Variants in PCED1B observed in about 807,000 individuals in gnomAD.
PCED1B encodes the protein PC-esterase domain-containing protein 1B.
For synonymous variants in PCED1B, 251 were observed against 246.1 expected (o/e 1.02, Z -0.19); for missense variants, 573 against 573.9 (o/e 1.00, Z 0.02).
At chr12:47,089,083 C>G (rs1938124807) in intron 1 of PCED1B, among the ~76,000 whole-genome samples, 1 of 152,068 alleles carries the variant, frequency 6.6e-6, no homozygotes, top group Non-Finnish European at 1.5e-5. Context: ...CCCAGCTTGA[C>G]AGGTCCAGAA....
At position 47,235,467 on chromosome 12, in the gene PCED1B, C is replaced by T. The variant is rs750587273; in HGVS notation, c.404C>T (p.Ser135Phe). 3 of 1,614,004 alleles carry T rather than the reference C, an allele frequency of 1.9e-6. No individual in the cohort carries two copies. In the South Asian group the frequency reaches 3.3e-5, roughly 18 times the overall value. ...LWDISRYGPN[S>F]WRSYLENLEN... ...GACATCTCCAGGTATGGTCCGAACT[C>T]CTGGAGAAGCTACCTGGAGAACCTG... The change falls in exon 4 of 4, where the codon TCC (serine) becomes TTC (phenylalanine). Residue 135 changes from serine (S) to phenylalanine (F), a missense_variant. By Grantham distance (155) the Ser-to-Phe change is radical (BLOSUM62 -2). Coordinates refer to ENST00000546455, the MANE Select transcript of PCED1B (RefSeq NM_138371.3).
chr12:47,091,497 G>A (rs1311365585), intron 1 of PCED1B, among the ~76,000 whole-genome samples: 6 of 151,944 alleles, frequency 3.9e-5, no homozygotes, highest in Non-Finnish European at 8.8e-5. Context: ...CTCACCTTGT[G>A]GGTTGCCTTT....
intron 2 of PCED1B, chr12:47,135,546 GC>G: frequency 1.9e-6 from 1 of 513,948 alleles, no homozygotes; most frequent in South Asian, 1.5e-5. Context: ...TCAGGAGGAT[GC>G]CCAGAGCCAG....
At chr12:47,141,431 A>G (rs1249289336) in intron 2 of PCED1B, among the ~76,000 whole-genome samples, 1 of 152,200 alleles carries the variant, frequency 6.6e-6, no homozygotes, top group African/African-American at 2.4e-5. Context: ...ACTCAGCTAC[A>G]GCCCCATTTG....
chr12:47,182,747 C>T (rs1314976663), intron 2 of PCED1B, among the ~76,000 whole-genome samples: 1 of 152,128 alleles, frequency 6.6e-6, no homozygotes, highest in East Asian at 1.9e-4. Flanking sequence ...TTGCACAAGA[C>T]CACATAGCTA....
At chr12:47,128,148 T>C (rs1939971306) in intron 2 of PCED1B, among the ~76,000 whole-genome samples, 1 of 152,214 alleles carries the variant, frequency 6.6e-6, no homozygotes, top group Non-Finnish European at 1.5e-5. Context: ...TTATGCCAAT[T>C]TGAGTCAGGT....
chr12:47,183,774 T>A (rs528476642), intron 2 of PCED1B, among the ~76,000 whole-genome samples: 1 of 152,250 alleles, frequency 6.6e-6, no homozygotes, highest in African/African-American at 2.4e-5. Flanking sequence ...GGGACTCATC[T>A]GTATACAGAC....
intron 1 of PCED1B, among the ~76,000 whole-genome samples, chr12:47,103,825 T>C (rs755559879): frequency 2.2e-4 from 34 of 152,210 alleles, no homozygotes; most frequent in Admixed American, 7.9e-4. Flanking sequence ...TGGAAACTCC[T>C]GTAGAGCACC....
intron 3 of PCED1B, among the ~76,000 whole-genome samples, chr12:47,233,105 C>T (rs1352264811): frequency 6.6e-6 from 1 of 152,020 alleles, no homozygotes; most frequent in African/African-American, 2.4e-5. Context: ...GGGGTTTTGC[C>T]ATGTTGCCCA....
chr12:47,104,630 C>A (rs1432483300), intron 2 of PCED1B, among the ~76,000 whole-genome samples: 2 of 152,098 alleles, frequency 1.3e-5, no homozygotes, highest in African/African-American at 4.8e-5. Flanking sequence ...TATGTTGTAC[C>A]CTGGAGGGAA....
intron 2 of PCED1B, among the ~76,000 whole-genome samples, chr12:47,195,754 T>C (rs1338200605): frequency 6.6e-6 from 1 of 152,220 alleles, no homozygotes; most frequent in African/African-American, 2.4e-5. Flanking sequence ...GAGTTGTCTG[T>C]TCCCACTTTT....
rs189986010 is a variant in PCED1B at position 47,164,612 on chromosome 12, C to T, written c.-525-51610C>T. 2.7e-3 allele frequency among the ~76,000 whole-genome samples: 408 copies of T among 152,368 alleles called. 1 individual carries two copies. The highest frequency in any genetic ancestry group is 0.011 in the South Asian group (52 of 4,830). On this transcript the variant is annotated intron_variant, in intron 2 of 3. Transcript: ENST00000546455. Reference sequence around the variant, plus strand: ...TAGCTGTACAATTCTGTGGTCTTGACAGTGGCCATGTTCCCACAGATCCAC... The same window carrying T: ...TAGCTGTACAATTCTGTGGTCTTGATAGTGGCCATGTTCCCACAGATCCAC...
intron 2 of PCED1B, among the ~76,000 whole-genome samples, chr12:47,123,895 A>G (rs1349736278): frequency 6.6e-6 from 1 of 152,020 alleles, no homozygotes; most frequent in African/African-American, 2.4e-5. Context: ...TGGCTACTTG[A>G]TATTTTATGA....
intron 2 of PCED1B, among the ~76,000 whole-genome samples, chr12:47,110,945 G>C (rs181246597): frequency 6.6e-6 from 1 of 152,144 alleles, no homozygotes; most frequent in African/African-American, 2.4e-5. Context: ...ACCATATGCA[G>C]CATGAAAGAA....
chr12:47,198,231 G>A (rs1298227553), intron 2 of PCED1B, among the ~76,000 whole-genome samples: 1 of 151,972 alleles, frequency 6.6e-6, no homozygotes, highest in Non-Finnish European at 1.5e-5. Context: ...TATACAGGGT[G>A]GTTCAATTGA....
chr12:47,120,291 C>T (rs923681616), intron 2 of PCED1B, among the ~76,000 whole-genome samples: 7 of 152,058 alleles, frequency 4.6e-5, no homozygotes, highest in Non-Finnish European at 8.8e-5. Context: ...AGCAGTTAAA[C>T]AAGGAGTAAC....
intron 2 of PCED1B, among the ~76,000 whole-genome samples, chr12:47,196,157 A>G: frequency 6.6e-6 from 1 of 152,228 alleles, no homozygotes; most frequent in East Asian, 1.9e-4. Context: ...TATGTGTGTA[A>G]CTTTTTAAAA....
intron 2 of PCED1B, among the ~76,000 whole-genome samples, chr12:47,181,489 G>A (rs754765110): frequency 6.6e-5 from 10 of 151,146 alleles, no homozygotes; most frequent in East Asian, 1.9e-4. Context: ...TCAGCCTCCC[G>A]ACTAGCTGGG....
chr12:47,128,005 T>G (rs1433275107), intron 2 of PCED1B, among the ~76,000 whole-genome samples: 1 of 152,258 alleles, frequency 6.6e-6, no homozygotes, highest in Non-Finnish European at 1.5e-5. Context: ...AGTGCTGTCA[T>G]GTCTTCTGAT....
Sources: gnomAD v4.1 joint callset for allele counts (sites outside exome capture counted in the v4.1 genomes callset) on GRCh38, gnomAD v4.1.1 for gene constraint, MANE v1.5 for transcripts, NCBI Gene and HGNC (gene_info 2026-07-23, HGNC 2026-07-21) for gene names.